SGCZ: variants seen among roughly 807,000 people sequenced by gnomAD.
SGCZ encodes sarcoglycan zeta, also known as zeta-sarcoglycan.
SGCZ carries 40 observed loss-of-function variants against 41.3 expected under a neutral mutation model. The ratio of observed to expected loss-of-function variants is 0.97; its 90% CI spans 0.75 to 1.26. The LOEUF is 1.26. SGCZ is among the 50% of genes most tolerant of loss of function. The pLI is 0.00. For synonymous variants in SGCZ, 206 were observed against 137.5 expected (o/e 1.50, Z -3.49); for missense variants, 552 against 369.8 (o/e 1.49, Z -4.04).
At chr8:14,378,851 G>A (rs372219631) in intron 2 of SGCZ, among the ~76,000 whole-genome samples, 2 of 152,060 alleles carry the variant, frequency 1.3e-5, no homozygotes, top group Non-Finnish European at 2.9e-5. Flanking sequence ...AGTGTCAGAC[G>A]TGTGAGGAAA....
chr8:14,410,085 G>A (rs1267031767), intron 2 of SGCZ, among the ~76,000 whole-genome samples: 1 of 152,060 alleles, frequency 6.6e-6, no homozygotes. Context: ...GACCAGGGGT[G>A]GCGTTAGATT....
chr8:14,658,566 C>T lies in SGCZ; in HGVS notation c.40-103640G>A, dbSNP rs183735883. Among the ~76,000 whole-genome samples the T allele has an allele frequency of 3.3e-3, 495 of 152,262 alleles. 3 individuals carry two copies. Among genetic ancestry groups the T allele is most frequent in the Non-Finnish European group, 3.5e-3 (237 of 68,030 alleles). On this transcript the variant is annotated intron_variant, in intron 1 of 7. Transcript: ENST00000382080. ...CCCTACACATCCTTACACTTTGGTT[C>T]GCCCACTCCTTAATTCTTACTTAGA...
intron 3 of SGCZ, among the ~76,000 whole-genome samples, chr8:14,268,910 T>C (rs1799966109): frequency 6.6e-6 from 1 of 151,708 alleles, no homozygotes; most frequent in African/African-American, 2.4e-5. Flanking sequence ...ATAATTGAAA[T>C]ATAATACATA....
At chr8:14,403,681 A>G (rs1482035579) in intron 2 of SGCZ, among the ~76,000 whole-genome samples, 2 of 152,104 alleles carry the variant, frequency 1.3e-5, no homozygotes, top group Non-Finnish European at 2.9e-5. Flanking sequence ...ATAAGTCAGT[A>G]TTTCTCACAG....
intron 1 of SGCZ, among the ~76,000 whole-genome samples, chr8:14,994,165 T>C (rs979438383): frequency 6.6e-6 from 1 of 152,228 alleles, no homozygotes; most frequent in Non-Finnish European, 1.5e-5. Context: ...TTTTACTTCC[T>C]TAGAAAAGCA....
chr8:14,726,689 C>A (rs983048616), intron 1 of SGCZ, among the ~76,000 whole-genome samples: 1 of 151,964 alleles, frequency 6.6e-6, no homozygotes, highest in Middle Eastern at 3.5e-3. Flanking sequence ...AATGTATAAA[C>A]AACTTGAAAA....
At chr8:14,539,338 G>A (rs1011494425) in intron 2 of SGCZ, among the ~76,000 whole-genome samples, 2 of 151,760 alleles carry the variant, frequency 1.3e-5, no homozygotes, top group African/African-American at 2.4e-5. Context: ...TTTGTCTGGA[G>A]AACCCTGATT....
At chr8:15,041,293 C>G (rs1398372988) in intron 1 of SGCZ, among the ~76,000 whole-genome samples, 1 of 151,262 alleles carries the variant, frequency 6.6e-6, no homozygotes, top group East Asian at 1.9e-4. Flanking sequence ...ATTTGGGAAC[C>G]CTTGTTTACA....
chr8:14,963,416 G>A lies in SGCZ; in HGVS notation c.39+274169C>T, dbSNP rs180980186. Among the ~76,000 whole-genome samples the A allele has an allele frequency of 6.6e-5, 10 of 151,024 alleles. No homozygotes were observed. In the East Asian group the frequency reaches 2.0e-3, roughly 30 times the overall value. ...TCCAGCGGCACAATCTTGGCTCACTGCATCCTGCGCCTCCCGGGTTCAAGT... is the reference window on the plus strand; with the variant it reads ...TCCAGCGGCACAATCTTGGCTCACTACATCCTGCGCCTCCCGGGTTCAAGT... On this transcript the variant is annotated intron_variant, in intron 1 of 7. Coordinates refer to ENST00000382080, the MANE Select transcript of SGCZ (RefSeq NM_139167.4).
intron 1 of SGCZ, among the ~76,000 whole-genome samples, chr8:14,695,968 T>C (rs1309408081): frequency 6.6e-6 from 1 of 152,146 alleles, no homozygotes; most frequent in East Asian, 1.9e-4. Flanking sequence ...AAATTGCTTC[T>C]ACAATTACCA....
At chr8:14,697,793 T>A (rs993120741) in intron 1 of SGCZ, among the ~76,000 whole-genome samples, 6 of 151,988 alleles carry the variant, frequency 3.9e-5, no homozygotes, top group African/African-American at 1.4e-4. Context: ...AAAATCATAT[T>A]TTATATTGAA....
chr8:14,598,593 C>A (rs938319503), intron 1 of SGCZ, among the ~76,000 whole-genome samples: 1 of 151,714 alleles, frequency 6.6e-6, no homozygotes, highest in Non-Finnish European at 1.5e-5. Flanking sequence ...GTGGTGCAAT[C>A]GTCAGCTCAC....
At chr8:14,605,682 G>C (rs944578678) in intron 1 of SGCZ, among the ~76,000 whole-genome samples, 1 of 152,082 alleles carries the variant, frequency 6.6e-6, no homozygotes, top group South Asian at 2.1e-4. Flanking sequence ...TACTATGAAA[G>C]GGAAACCATC....
intron 7 of SGCZ, among the ~76,000 whole-genome samples, chr8:14,100,357 A>C (rs1801976202): frequency 6.6e-6 from 1 of 151,128 alleles, no homozygotes; most frequent in Non-Finnish European, 1.5e-5. Flanking sequence ...TATTAATAAT[A>C]ATCAATATTT....
At chr8:14,875,840 T>C (rs1268619481) in intron 1 of SGCZ, among the ~76,000 whole-genome samples, 1 of 152,102 alleles carries the variant, frequency 6.6e-6, no homozygotes, top group Non-Finnish European at 1.5e-5. Flanking sequence ...TGGGCCACAA[T>C]TTAGTTGGTT....
At chr8:15,037,213 G>A (rs73205417) in intron 1 of SGCZ, among the ~76,000 whole-genome samples, 2,198 of 152,236 alleles carry the variant, frequency 0.014, 21 homozygotes, top group Non-Finnish European at 0.024. Flanking sequence ...GGAGATAACT[G>A]AATCATAATG....
chr8:15,186,794 A>C (rs895650075), intron 1 of SGCZ, among the ~76,000 whole-genome samples: 3 of 152,222 alleles, frequency 2.0e-5, no homozygotes, highest in Non-Finnish European at 4.4e-5. Flanking sequence ...GAGACAAAGA[A>C]GTCTACAACA....
At chr8:14,421,672 A>T (rs769000019) in intron 2 of SGCZ, among the ~76,000 whole-genome samples, 98 of 152,126 alleles carry the variant, frequency 6.4e-4, no homozygotes, top group Non-Finnish European at 1.2e-3. Flanking sequence ...ACTCCTAAAA[A>T]TTAAGATGTA....
At chr8:14,204,626 G>A (rs1805560985) in intron 4 of SGCZ, among the ~76,000 whole-genome samples, 1 of 152,132 alleles carries the variant, frequency 6.6e-6, no homozygotes, top group South Asian at 2.1e-4. Flanking sequence ...TCTTTGAATT[G>A]ACTAGAGAAA....
Sources: gnomAD v4.1 joint callset for allele counts (sites outside exome capture counted in the v4.1 genomes callset) on GRCh38, gnomAD v4.1.1 for gene constraint, MANE v1.5 for transcripts, NCBI Gene and HGNC (gene_info 2026-07-23, HGNC 2026-07-21) for gene names.